PSEN2: variants seen among roughly 807,000 people sequenced by gnomAD.
The protein encoded by PSEN2 is presenilin-2.
In PSEN2, 32 loss-of-function variants were observed where a neutral mutation model predicts 49.1. That is an observed-to-expected ratio of 0.65 (90% CI 0.49 to 0.88). PSEN2 has a LOEUF of 0.88. PSEN2 is among the 40% of genes least tolerant of loss of function. The probability of loss-of-function intolerance (pLI) is 0.00; values close to 1 mark genes in which losing one functional copy is unlikely to be tolerated. For synonymous variants in PSEN2, 255 were observed against 244.0 expected (o/e 1.05, Z -0.42); for missense variants, 522 against 586.9 (o/e 0.89, Z 1.14).
intron 3 of PSEN2, among the ~76,000 whole-genome samples, chr1:226,879,207 C>G (rs773826331): frequency 2.8e-4 from 43 of 152,178 alleles, no homozygotes; most frequent in Non-Finnish European, 4.1e-4. Context: ...GATAATTTCT[C>G]TCATTTCCAT....
chr1:226,879,031 TTTTA>T (rs890418096), intron 3 of PSEN2, among the ~76,000 whole-genome samples: 10 of 152,114 alleles, frequency 6.6e-5, no homozygotes, highest in Non-Finnish European at 1.3e-4. Flanking sequence ...CTTCAATTTC[TTTTA>T]TTTATTTATT....
downstream of PSEN2, chr1:226,896,191 A>C (rs1437305662): frequency 6.3e-6 from 1 of 159,266 alleles, no homozygotes; most frequent in East Asian, 1.8e-4. Context: ...GGATGGAGGC[A>C]GTTTGCCCTG....
intron 12 of PSEN2, among the ~76,000 whole-genome samples, chr1:226,902,203 G>A (rs965101024): frequency 6.6e-6 from 1 of 152,144 alleles, no homozygotes; most frequent in African/African-American, 2.4e-5. Flanking sequence ...GATCCTTGGC[G>A]TGCACAGTTC....
At chr1:226,880,492 TCTCTGGACAGCGATCACTCAGC>T (rs1660904557) in intron 3 of PSEN2, 32 of 1,381,056 alleles carry the variant, frequency 2.3e-5, no homozygotes, top group East Asian at 5.9e-5. Flanking sequence ...GCCCTGAGGG[TCTCTGGACAGCGATCACTCAGC>T]CTCTGGACAG....
intron 8 of PSEN2, among the ~76,000 whole-genome samples, chr1:226,889,786 G>A (rs1661614931): frequency 6.6e-6 from 1 of 152,166 alleles, no homozygotes; most frequent in South Asian, 2.1e-4. Flanking sequence ...CAGAGAAGTG[G>A]GACTCCCCAG....
In PSEN2 at chr1:226,885,652, G is replaced by A; in HGVS notation, c.471G>A (p.Val157=). ...TCGTGGTTATGACCATCTTCTTGGT[G>A]GTGCTCTACAAGTACCGCTGCTACA... The part of the protein sequence containing the change: ...SVIVVMTIFL[V]VLYKYRCYKF... The change falls in exon 6 of 13, where the codon GTG becomes GTA. Residue 157 remains valine (V), a synonymous_variant. Coordinates refer to ENST00000366783, the MANE Select transcript of PSEN2 (RefSeq NM_000447.3). 1 of 1,610,538 alleles carries A rather than the reference G, an allele frequency of 6.2e-7. No individual in the cohort carries two copies. The highest frequency in any genetic ancestry group is 8.5e-7 in the Non-Finnish European group (1 of 1,180,006).
Position 226,895,464 on chromosome 1 carries a change from A to G in PSEN2, c.1232A>G (p.Lys411Arg), listed in dbSNP as rs764998593. ...LTLLLLAVFK[K>R]ALPALPISIT... ...CTCCTGCTGCTTGCTGTGTTCAAGA[A>G]GGCGCTGCCCGCCCTCCCCATCTCC... Residue 411 changes from lysine to arginine, a missense_variant, in exon 13 of 13, where the codon AAG becomes AGG. By Grantham distance (26) the Lys-to-Arg change is conservative (BLOSUM62 2). Coordinates refer to ENST00000366783, the MANE Select transcript of PSEN2 (RefSeq NM_000447.3). The G allele has an allele frequency of 6.2e-7, 1 of 1,614,036 alleles. No individual in the cohort carries two copies. The highest frequency in any genetic ancestry group is 1.7e-5 in the Admixed American group (1 of 60,000).
intron 2 of PSEN2, among the ~76,000 whole-genome samples, chr1:226,872,170 A>G (rs1390241302): frequency 2.6e-5 from 4 of 152,178 alleles, no homozygotes; most frequent in Admixed American, 2.0e-4. Context: ...GCTGTGGTGC[A>G]TAATGTCACA....
chr1:226,893,056 C>T (rs1329183197), intron 11 of PSEN2, among the ~76,000 whole-genome samples: 3 of 152,206 alleles, frequency 2.0e-5, no homozygotes, highest in Non-Finnish European at 4.4e-5. Context: ...CCTTGGCCTC[C>T]TGAGTAGCTG....
chr1:226,875,184 G>A (rs1406320399), intron 2 of PSEN2, among the ~76,000 whole-genome samples, 181 bp from the exon 3 acceptor site: 1 of 152,130 alleles, frequency 6.6e-6, no homozygotes, highest in African/African-American at 2.4e-5. Context: ...CCCCAGCTCT[G>A]GCTTAGGCCA....
chr1:226,883,578 T>C lies in PSEN2; in HGVS notation c.142-127T>C. 1.3e-5 allele frequency: 12 copies of C among 898,650 alleles called. No homozygotes were observed. The South Asian group carries it at 1.7e-4, about 13-fold the overall frequency. 55.7% of individuals were successfully genotyped at this position (898,650 alleles called of 1,614,324 possible). On this transcript the variant is annotated intron_variant, in intron 4 of 12. Transcript: ENST00000366783. ...ACTTTTCATATGCCCTAGTAGCTCA[T>C]AGACTGCTCCTTATATCTGGAAAGC...
chr1:226,895,710 G>A lies in PSEN2; in HGVS notation c.*131G>A, dbSNP rs1662105315. On this transcript the variant is annotated 3_prime_UTR_variant, in exon 13 of 13. Transcript: ENST00000366783. The stretch of plus-strand genomic sequence containing the variant: ...AAAAAATAAAGTACGTGTTTACTTG[G>A]TGAGGAGGAGGCAGAACCAGCTCTT... The A allele has an allele frequency of 8.6e-7, 1 of 1,167,122 alleles. No homozygotes were observed. Among genetic ancestry groups the A allele is most frequent in the Non-Finnish European group, 1.2e-6 (1 of 829,910 alleles). The allele number at this position is 1,167,122 out of a possible 1,614,324, so 72.3% of individuals were successfully genotyped here.
At chr1:226,885,915 G>A (rs1661332481) in intron 6 of PSEN2, among the ~76,000 whole-genome samples, 1 of 147,104 alleles carries the variant, frequency 6.8e-6, no homozygotes, top group African/African-American at 2.5e-5. Context: ...CATTGCCCAG[G>A]CTGGAGTGCA....
intron 3 of PSEN2, chr1:226,880,407 T>C (rs776724000): frequency 4.4e-6 from 4 of 910,396 alleles, no homozygotes; most frequent in Middle Eastern, 3.6e-4. Flanking sequence ...TCACATATAT[T>C]GTGGGGTGAC....
chr1:226,890,045 T>C lies in PSEN2; in HGVS notation c.798T>C (p.Ala266=), dbSNP rs200644982. The C allele has an allele frequency of 2.5e-6, 4 of 1,613,512 alleles. No homozygotes were observed. In the African/African-American group the frequency reaches 5.3e-5, roughly 22 times the overall value. Residue 266 remains alanine (A), a synonymous_variant, in exon 9 of 13, where the codon GCT becomes GCC. Transcript: ENST00000366783. ...LGAISVYDLV[A]VLCPKGPLRM... The stretch of plus-strand genomic sequence containing the variant: ...TCTCTGTCTTCCTAGATCTCGTGGC[T>C]GTGCTGTGTCCCAAAGGGCCTCTGA...
intron 12 of PSEN2, among the ~76,000 whole-genome samples, chr1:226,902,681 G>C (rs978561394): frequency 6.6e-6 from 1 of 152,182 alleles, no homozygotes; most frequent in African/African-American, 2.4e-5. Flanking sequence ...GTCCCTCTCT[G>C]AGGCCTGCAA....
At chr1:226,885,287 A>C (rs76161302) in intron 5 of PSEN2, among the ~76,000 whole-genome samples, 2,014 of 152,218 alleles carry the variant, frequency 0.013, 45 homozygotes, top group African/African-American at 0.046. Flanking sequence ...GAGGTCATCT[A>C]GCCCTCGTCC....
chr1:226,893,991 GTC>G lies in PSEN2; in HGVS notation c.1073-11_1073-10del, dbSNP rs1318488006. Reference sequence around the variant, plus strand: ...GCACGCCTCTTCAGTACGGGTTACTGTCTCTCCTCACACAGGGGGCGTGAAGC... The same window carrying G: ...GCACGCCTCTTCAGTACGGGTTACTGTCTCCTCACACAGGGGGCGTGAAGC... On this transcript the variant is annotated splice_polypyrimidine_tract_variant and intron_variant, in intron 11 of 12. Transcript: ENST00000366783. 13 of 1,601,010 alleles carry G rather than the reference GTC, an allele frequency of 8.1e-6. No individual in the cohort carries two copies. The highest frequency in any genetic ancestry group is 4.0e-5 in the African/African-American group (3 of 74,646).
intron 5 of PSEN2, 143 bp from the exon 6 acceptor site, chr1:226,885,395 T>C: frequency 2.3e-6 from 2 of 882,258 alleles, no homozygotes; most frequent in Non-Finnish European, 3.5e-6. Flanking sequence ...CTCATGGGGA[T>C]GGTGCCCGCA....
Sources: gnomAD v4.1 joint callset for allele counts (sites outside exome capture counted in the v4.1 genomes callset) on GRCh38, gnomAD v4.1.1 for gene constraint, MANE v1.5 for transcripts, NCBI Gene and HGNC (gene_info 2026-07-23, HGNC 2026-07-21) for gene names.